Variants in RANBP2 observed in about 807,000 individuals in gnomAD.
RANBP2 encodes RAN binding protein 2.
Under a neutral mutation model 303.6 loss-of-function variants are expected in RANBP2, and 57 were observed. That is an observed-to-expected ratio of 0.19 (90% CI 0.15 to 0.23). The LOEUF is 0.23. Ranked by LOEUF, RANBP2 falls within the 10% of genes least tolerant of loss-of-function variation. The pLI is 1.00. For missense variants in RANBP2, 3,138 were observed against 3,780.8 expected, an observed-to-expected ratio of 0.83 and a Z score of 4.46; for synonymous variants, 1,167 against 1,301.5, an observed-to-expected ratio of 0.90 and a Z score of 2.23.
At chr2:109,537,720 C>T in the RANBP2 span, among the ~76,000 whole-genome samples, 1 of 151,878 alleles carries the variant, frequency 6.6e-6, no homozygotes, top group African/African-American at 2.4e-5. Context: ...CTGGGGCGGG[C>T]GGACTGCTTG....
Position 108,763,388 on chromosome 2 carries a change from C to A in RANBP2, c.2849C>A (p.Ala950Glu). The A allele has an allele frequency of 6.2e-7, 1 of 1,613,952 alleles. No homozygotes were observed. The highest frequency in any genetic ancestry group is 8.5e-7 in the Non-Finnish European group (1 of 1,179,952). The change falls in exon 20 of 29, where the codon GCA becomes GAA. Residue 950 changes from alanine (A) to glutamate (E), a missense_variant. Ala to Glu is a moderately radical substitution (Grantham distance 107). Around this residue, in one of 20 missense-constraint regions of RANBP2, gnomAD observed 403 missense variants for 376.7 expected, o/e 1.07. Transcript: ENST00000283195. ...GPPALRFESP[A>E]TGILSPRGDD... ...CCTGCATTGCGTTTTGAGTCTCCTG[C>A]AACGGGAATTCTATCGCCCAGGGGT...
At chr2:109,463,996 G>A in the RANBP2 span, among the ~76,000 whole-genome samples, 4 of 152,112 alleles carry the variant, frequency 2.6e-5, no homozygotes, top group African/African-American at 9.7e-5. Flanking sequence ...ATAGACCCTC[G>A]CTCGGGAGGG....
chr2:109,578,523 T>C, the RANBP2 span, among the ~76,000 whole-genome samples: 2 of 66,164 alleles, frequency 3.0e-5, no homozygotes, highest in African/African-American at 5.7e-5. Context: ...CCCAGCACTT[T>C]GGGAGGCCGA....
At chr2:109,547,459 A>C in the RANBP2 span, among the ~76,000 whole-genome samples, 1 of 151,392 alleles carries the variant, frequency 6.6e-6, no homozygotes, top group Non-Finnish European at 1.5e-5. Flanking sequence ...ACAACTGTTA[A>C]ATGAGTTTCA....
At chr2:109,565,036 T>G in the RANBP2 span, among the ~76,000 whole-genome samples, 7 of 152,234 alleles carry the variant, frequency 4.6e-5, no homozygotes, top group Non-Finnish European at 1.5e-5. Context: ...CTATTCAAAA[T>G]TAGTGAACAC....
At chr2:109,034,025 G>A in the RANBP2 span, among the ~76,000 whole-genome samples, 2 of 151,262 alleles carry the variant, frequency 1.3e-5, no homozygotes, top group African/African-American at 2.4e-5. Flanking sequence ...CACTTTGGGA[G>A]GCCAGGTGGG....
the RANBP2 span, among the ~76,000 whole-genome samples, chr2:108,795,363 C>G: frequency 6.6e-6 from 1 of 152,034 alleles, no homozygotes; most frequent in East Asian, 1.9e-4. Context: ...ACCATGTTGG[C>G]TAGGCTGGTC....
chr2:109,553,629 G>A, the RANBP2 span, among the ~76,000 whole-genome samples: 31 of 151,648 alleles, frequency 2.0e-4, no homozygotes, highest in African/African-American at 7.5e-4. Context: ...GAGGTGGGCA[G>A]ATCACCTGAG....
chr2:109,081,854 A>T, the RANBP2 span, among the ~76,000 whole-genome samples: 1 of 152,224 alleles, frequency 6.6e-6, no homozygotes, highest in African/African-American at 2.4e-5. Context: ...GCACTTGCCA[A>T]CGAGGCATCT....
At chr2:108,821,818 G>C in the RANBP2 span, among the ~76,000 whole-genome samples, 1 of 151,368 alleles carries the variant, frequency 6.6e-6, no homozygotes, top group Non-Finnish European at 1.5e-5. Context: ...AGTGGTGGGT[G>C]CCTATAATCC....
chr2:108,965,523 G>C, the RANBP2 span, among the ~76,000 whole-genome samples: 3 of 152,170 alleles, frequency 2.0e-5, no homozygotes, highest in South Asian at 6.2e-4. Context: ...GTCTTTTGGG[G>C]AGAGAAAAAC....
At chr2:108,975,027 T>C in the RANBP2 span, among the ~76,000 whole-genome samples, 2 of 152,194 alleles carry the variant, frequency 1.3e-5, no homozygotes, top group Non-Finnish European at 1.5e-5. Context: ...ACTGCCTTTC[T>C]ACCTGGCCTG....
the RANBP2 span, among the ~76,000 whole-genome samples, chr2:109,378,471 C>T: frequency 6.3e-3 from 959 of 152,312 alleles, 7 homozygotes; most frequent in African/African-American, 0.021. Context: ...GCTGCATGGG[C>T]TTATGGAGCT....
intron 25 of RANBP2, among the ~76,000 whole-genome samples, chr2:108,779,290 T>C (rs1167188070): frequency 6.6e-6 from 1 of 152,108 alleles, no homozygotes; most frequent in African/African-American, 2.4e-5. Context: ...GCCTCCTGAG[T>C]AGCTGGGATT....
At chr2:109,588,169 C>CA in the RANBP2 span, among the ~76,000 whole-genome samples, 1 of 151,016 alleles carries the variant, frequency 6.6e-6, no homozygotes, top group African/African-American at 2.4e-5. Flanking sequence ...AAAATGAAGG[C>CA]AAAATGAAGA....
At chr2:109,532,252 A>G in the RANBP2 span, among the ~76,000 whole-genome samples, 1 of 152,248 alleles carries the variant, frequency 6.6e-6, no homozygotes, top group African/African-American at 2.4e-5. Context: ...TCTCTCTTCA[A>G]TTACAGACTC....
the RANBP2 span, among the ~76,000 whole-genome samples, chr2:109,430,108 C>G: frequency 1.3e-5 from 2 of 152,162 alleles, no homozygotes; most frequent in Non-Finnish European, 2.9e-5. Context: ...AGCTGATGAG[C>G]CCCCCACTCC....
the RANBP2 span, among the ~76,000 whole-genome samples, chr2:109,254,262 A>G: frequency 6.6e-6 from 1 of 152,158 alleles, no homozygotes; most frequent in African/African-American, 2.4e-5. Flanking sequence ...ATGTTTTTCT[A>G]GAGTTTTTAG....
chr2:109,455,951 A>G, the RANBP2 span, among the ~76,000 whole-genome samples: 1 of 152,218 alleles, frequency 6.6e-6, no homozygotes, highest in Non-Finnish European at 1.5e-5. Context: ...CCTCACCCAG[A>G]ACTGATTCAC....
Sources: gnomAD v4.1 joint callset for allele counts (sites outside exome capture counted in the v4.1 genomes callset) on GRCh38, gnomAD v4.1.1 for gene constraint, gnomAD v4.1.1 regional missense constraint, MANE v1.5 for transcripts, NCBI Gene and HGNC (gene_info 2026-07-23, HGNC 2026-07-21) for gene names.